SPOCK3: variants seen among roughly 807,000 people sequenced by gnomAD.
SPOCK3 encodes the protein testican-3.
SPOCK3 carries 30 observed loss-of-function variants against 56.6 expected under a neutral mutation model. The ratio of observed to expected loss-of-function variants is 0.53; its 90% CI spans 0.40 to 0.72. The LOEUF (loss-of-function observed/expected upper bound fraction) is 0.72, where lower values mean the gene tolerates loss of function less well. Ranked by LOEUF, SPOCK3 falls within the 30% of genes least tolerant of loss-of-function variation. SPOCK3 has a pLI of 0.00. For missense variants in SPOCK3, 527 were observed against 530.0 expected, an observed-to-expected ratio of 0.99 and a Z score of 0.06; for synonymous variants, 196 against 183.3, an observed-to-expected ratio of 1.07 and a Z score of -0.56.
At chr4:166,972,343 TTCA>T (rs1428178047) in intron 4 of SPOCK3, among the ~76,000 whole-genome samples, 1 of 152,130 alleles carries the variant, frequency 6.6e-6, no homozygotes, top group Non-Finnish European at 1.5e-5. Context: ...CCAGCTGGCC[TTCA>T]TCACTCAGCA....
chr4:167,047,747 G>T (rs1478592354), intron 3 of SPOCK3, among the ~76,000 whole-genome samples: 1 of 152,118 alleles, frequency 6.6e-6, no homozygotes, highest in Non-Finnish European at 1.5e-5. Flanking sequence ...CTAAATGGTG[G>T]TTGAAAATAT....
chr4:167,109,855 T>G (rs1048475107), intron 2 of SPOCK3, among the ~76,000 whole-genome samples: 13 of 151,850 alleles, frequency 8.6e-5, no homozygotes, highest in African/African-American at 2.2e-4. Context: ...TACTCCATCA[T>G]AAAATCATAT....
chr4:166,974,402 T>C (rs1426495523), intron 4 of SPOCK3, among the ~76,000 whole-genome samples: 4 of 152,186 alleles, frequency 2.6e-5, no homozygotes, highest in Admixed American at 6.5e-5. Flanking sequence ...AATTTTCAAA[T>C]ACATGTTGAA....
intron 6 of SPOCK3, among the ~76,000 whole-genome samples, chr4:166,835,199 T>C (rs958562395): frequency 6.6e-6 from 1 of 152,104 alleles, no homozygotes; most frequent in Non-Finnish European, 1.5e-5. Context: ...ACTTATACCT[T>C]AGAGTGTAAA....
intron 2 of SPOCK3, among the ~76,000 whole-genome samples, chr4:167,189,524 A>G (rs1732296979): frequency 6.9e-6 from 1 of 145,638 alleles, no homozygotes; most frequent in Non-Finnish European, 1.5e-5. Context: ...GTATGTTTCA[A>G]GGTGTACAAT....
At chr4:167,160,806 A>G (rs1400530126) in intron 2 of SPOCK3, among the ~76,000 whole-genome samples, 3 of 152,228 alleles carry the variant, frequency 2.0e-5, no homozygotes, top group African/African-American at 7.2e-5. Flanking sequence ...TCCCTATTTA[A>G]TAAATGGTGC....
intron 6 of SPOCK3, among the ~76,000 whole-genome samples, chr4:166,869,960 A>G (rs534552195): frequency 1.9e-4 from 29 of 152,196 alleles, no homozygotes; most frequent in African/African-American, 6.0e-4. Context: ...TCCTGGGGCT[A>G]CAATCAAAGG....
intron 2 of SPOCK3, among the ~76,000 whole-genome samples, chr4:167,189,202 A>G (rs1732265157): frequency 6.8e-6 from 1 of 146,190 alleles, no homozygotes; most frequent in South Asian, 2.1e-4. Context: ...ATGTTAGCAA[A>G]TAACACCCAA....
chr4:166,848,128 T>A (rs1748294221), intron 6 of SPOCK3, among the ~76,000 whole-genome samples: 1 of 152,196 alleles, frequency 6.6e-6, no homozygotes, highest in African/African-American at 2.4e-5. Context: ...TTTGAAGCAG[T>A]ACATTATAGC....
chr4:167,046,562 T>A (rs1251635099), intron 3 of SPOCK3, among the ~76,000 whole-genome samples: 2 of 147,214 alleles, frequency 1.4e-5, no homozygotes, highest in African/African-American at 5.0e-5. Context: ...TTCAAGTGAC[T>A]CTCCTGCCTC....
intron 2 of SPOCK3, among the ~76,000 whole-genome samples, chr4:167,070,767 G>C (rs997806888): frequency 6.6e-6 from 1 of 151,840 alleles, no homozygotes; most frequent in Non-Finnish European, 1.5e-5. Flanking sequence ...TCACAAAAGA[G>C]GAAACTTTCC....
chr4:166,772,578 A>G (rs1049444392), intron 7 of SPOCK3, among the ~76,000 whole-genome samples: 1 of 152,032 alleles, frequency 6.6e-6, no homozygotes, highest in African/African-American at 2.4e-5. Context: ...AAGTAAGGGA[A>G]AATTTAAATT....
At chr4:167,029,029 G>C (rs1346931554) in intron 3 of SPOCK3, among the ~76,000 whole-genome samples, 4 of 151,894 alleles carry the variant, frequency 2.6e-5, no homozygotes, top group Admixed American at 2.6e-4. Context: ...CATCACCTAG[G>C]TATTAAGCCC....
chr4:167,110,289 T>G (rs552040605), intron 2 of SPOCK3, among the ~76,000 whole-genome samples: 23 of 152,186 alleles, frequency 1.5e-4, no homozygotes, highest in African/African-American at 5.5e-4. Context: ...CCATCTTTCC[T>G]CAGGTTATGG....
chr4:166,740,736 G>T (rs980820340), intron 9 of SPOCK3, among the ~76,000 whole-genome samples: 1 of 151,994 alleles, frequency 6.6e-6, no homozygotes, highest in Non-Finnish European at 1.5e-5. Context: ...ATATTGGCCA[G>T]GGTGGTCTCG....
rs139042149 is a variant in SPOCK3 at position 167,165,113 on chromosome 4, C to G, written c.189+68872G>C. Among the ~76,000 whole-genome samples the G allele has an allele frequency of 2.3e-3, 352 of 152,114 alleles. 5 individuals carry two copies. Among genetic ancestry groups the G allele is most frequent in the African/African-American group, 6.0e-3 (250 of 41,544 alleles). ...TTCGCCAGCATCTATTGTTTTCTGA[C>G]TTTTTCCTAAACAATACCATTCAGG... is the stretch of plus-strand genomic sequence containing the variant. On this transcript the variant is annotated intron_variant, in intron 2 of 10. Coordinates refer to ENST00000357545, the MANE Select transcript of SPOCK3 (RefSeq NM_001040159.2).
chr4:166,933,233 C>T (rs774929015), intron 4 of SPOCK3, among the ~76,000 whole-genome samples: 1 of 152,112 alleles, frequency 6.6e-6, no homozygotes, highest in Non-Finnish European at 1.5e-5. Flanking sequence ...CACTCTCTTG[C>T]TAAAAAATGA....
chr4:166,744,935 GAA>G, intron 8 of SPOCK3, among the ~76,000 whole-genome samples: 1 of 150,980 alleles, frequency 6.6e-6, no homozygotes, highest in East Asian at 1.9e-4. Context: ...CAAGTTTAGA[GAA>G]AAAAAAAGTA....
intron 9 of SPOCK3, among the ~76,000 whole-genome samples, chr4:166,738,969 C>A (rs1329782550): frequency 6.6e-6 from 1 of 151,934 alleles, no homozygotes; most frequent in Admixed American, 6.6e-5. Context: ...ATTTATAGTC[C>A]TTTGGGTATA....
Sources: allele counts gnomAD v4.1 joint callset (sites outside exome capture counted in the v4.1 genomes callset), GRCh38; gene constraint gnomAD v4.1.1; transcripts MANE v1.5; gene names NCBI Gene and HGNC (gene_info 2026-07-23, HGNC 2026-07-21).